SEC24A: variants seen among roughly 807,000 people sequenced by gnomAD.
The protein encoded by SEC24A is protein transport protein Sec24A.
In SEC24A, 93 loss-of-function variants were observed where a neutral mutation model predicts 129.4. The ratio of observed to expected loss-of-function variants is 0.72; its 90% CI spans 0.61 to 0.85. The LOEUF (loss-of-function observed/expected upper bound fraction) is 0.85. Among genes scored for constraint, SEC24A ranks in the 40% least tolerant of loss-of-function variants. The probability of loss-of-function intolerance (pLI) is 0.00; values close to 1 mark genes in which losing one functional copy is unlikely to be tolerated. For missense variants in SEC24A, 1,264 were observed against 1,307.4 expected (o/e 0.97, Z 0.51); for synonymous variants, 460 against 467.3 (o/e 0.98, Z 0.20).
intron 13 of SEC24A, among the ~76,000 whole-genome samples, chr5:134,696,235 A>T (rs2150099566): frequency 6.6e-6 from 1 of 152,048 alleles, no homozygotes; most frequent in East Asian, 1.9e-4. Context: ...ATGCCATTGC[A>T]CACCAGCCTG....
At chr5:134,663,553 C>T (rs991381533) in intron 2 of SEC24A, among the ~76,000 whole-genome samples, 71 of 152,288 alleles carry the variant, frequency 4.7e-4, no homozygotes, top group African/African-American at 1.6e-3. Context: ...CGTGGTGGCT[C>T]ACGCCTATAA....
At chr5:134,674,529 T>C (rs1580698181) in intron 4 of SEC24A, 86 bp from the exon 5 acceptor site, 2 of 1,299,704 alleles carry the variant, frequency 1.5e-6, no homozygotes, top group East Asian at 5.1e-5. Flanking sequence ...AGTGAGACCC[T>C]TTCTCCAAAA....
At chr5:134,651,285 T>TAA (rs1189957698) in intron 1 of SEC24A, among the ~76,000 whole-genome samples, 2 of 147,992 alleles carry the variant, frequency 1.4e-5, no homozygotes, top group Non-Finnish European at 3.0e-5. Context: ...TATATATATA[T>TAA]AATGTATATA....
At chr5:134,686,176 A>G (rs1470775660) in intron 9 of SEC24A, among the ~76,000 whole-genome samples, 2 of 152,108 alleles carry the variant, frequency 1.3e-5, no homozygotes, top group African/African-American at 4.8e-5. Context: ...TATAAACTAA[A>G]CACTTTTGTT....
intron 4 of SEC24A, among the ~76,000 whole-genome samples, chr5:134,672,181 CTTTTTG>C (rs549281427): frequency 1.3e-5 from 2 of 151,522 alleles, no homozygotes; most frequent in South Asian, 4.2e-4. Flanking sequence ...CCATGCCCAG[CTTTTTG>C]TTTTTGTTTT....
At chr5:134,694,023 C>A in intron 13 of SEC24A, 90 bp downstream of exon 13, 2 of 1,096,064 alleles carry the variant, frequency 1.8e-6, no homozygotes, top group South Asian at 1.5e-5. Flanking sequence ...ATTTATTTGT[C>A]AATTGTTGGG....
chr5:134,720,950 C>T (rs1197570851), intron 20 of SEC24A, 48 bp from the exon 21 acceptor site: 2 of 1,005,100 alleles, frequency 2.0e-6, no homozygotes, highest in South Asian at 1.3e-5. Flanking sequence ...TCAACAGACT[C>T]ACCTTTATGT....
At position 134,718,074 on chromosome 5, in the gene SEC24A, A is replaced by C. The variant is rs780267482; in HGVS notation, c.2871A>C (p.Ala957=). 1.9e-6 allele frequency: 3 copies of C among 1,613,046 alleles called. No individual in the cohort carries two copies. Among genetic ancestry groups the C allele is most frequent in the Middle Eastern group, 1.6e-4 (1 of 6,062 alleles). Residue 957 remains alanine (A), a synonymous_variant, in exon 20 of 23, where the codon GCA becomes GCC. Transcript: ENST00000398844. ...YRVDNLSDEG[A]LNISDRTIPQ... ...TCTTTTACTTAATTCCTCAGGGAGC[A>C]CTCAACATCAGTGATAGAACCATAC...
intron 18 of SEC24A, among the ~76,000 whole-genome samples, chr5:134,714,823 A>G (rs576399323): frequency 6.6e-6 from 1 of 152,352 alleles, no homozygotes; most frequent in South Asian, 2.1e-4. Flanking sequence ...TCAGTTAGTT[A>G]ATTTCAAAAG....
chr5:134,708,805 G>A lies in SEC24A; in HGVS notation c.2644G>A (p.Val882Ile), dbSNP rs552144997. 5.2e-5 allele frequency: 84 copies of A among 1,614,144 alleles called. No homozygotes were observed. The South Asian group carries it at 9.0e-4, about 17-fold the overall frequency. ...IDSLSAYRSS[V>I]LSNQQPGLMV... ...CTCCCTTTCAGCTTACCGTTCTTCA[G>A]TCTTAAGTAACCAGCAGCCTGGACT... The change falls in exon 18 of 23, where the codon GTC becomes ATC. Residue 882 changes from valine (V) to isoleucine (I), a missense_variant. Physicochemically the swap from Val to Ile is conservative, Grantham distance 29. Transcript: ENST00000398844.
At chr5:134,683,106 T>G (rs1751330955) in intron 9 of SEC24A, among the ~76,000 whole-genome samples, 3 of 151,988 alleles carry the variant, frequency 2.0e-5, no homozygotes. Context: ...CACTGCAACC[T>G]CCGCCTCCCG....
chr5:134,720,141 C>T (rs1752589534), intron 20 of SEC24A, among the ~76,000 whole-genome samples: 1 of 152,194 alleles, frequency 6.6e-6, no homozygotes, highest in Non-Finnish European at 1.5e-5. Context: ...TTTACATTCA[C>T]TCATCACTCA....
intron 19 of SEC24A, among the ~76,000 whole-genome samples, chr5:134,715,818 C>T (rs988717692): frequency 5.6e-5 from 8 of 143,780 alleles, no homozygotes; most frequent in African/African-American, 1.3e-4. Context: ...CAAACCTGCA[C>T]GTTCTGCACA....
intron 18 of SEC24A, among the ~76,000 whole-genome samples, 163 bp downstream of exon 18, chr5:134,709,051 C>CA (rs1752246014): frequency 1.3e-5 from 2 of 152,014 alleles, no homozygotes; most frequent in African/African-American, 2.4e-5. Flanking sequence ...GCAAAAAATA[C>CA]AAAAAAACTA....
chr5:134,719,106 G>T (rs1470020145), intron 20 of SEC24A, among the ~76,000 whole-genome samples: 1 of 152,148 alleles, frequency 6.6e-6, no homozygotes, highest in Non-Finnish European at 1.5e-5. Flanking sequence ...ATTTGTCCGG[G>T]CATGGTGGCT....
chr5:134,650,534 C>A (rs551533059), intron 1 of SEC24A, among the ~76,000 whole-genome samples: 1 of 151,064 alleles, frequency 6.6e-6, no homozygotes, highest in Admixed American at 6.6e-5. Context: ...ATTTGTTCCA[C>A]ATCTTTTTTT....
chr5:134,715,309 A>G, intron 19 of SEC24A, 148 bp downstream of exon 19: 1 of 686,852 alleles, frequency 1.5e-6, no homozygotes. Context: ...CTGAGTAAAT[A>G]AATTTTAGTA....
At chr5:134,672,740 T>G (rs1750910754) in intron 4 of SEC24A, among the ~76,000 whole-genome samples, 1 of 152,140 alleles carries the variant, frequency 6.6e-6, no homozygotes, top group Admixed American at 6.6e-5. Flanking sequence ...TAGAGTACTT[T>G]TAGGATTTTT....
At chr5:134,686,115 A>G (rs1751441890) in intron 9 of SEC24A, among the ~76,000 whole-genome samples, 1 of 152,204 alleles carries the variant, frequency 6.6e-6, no homozygotes, top group African/African-American at 2.4e-5. Flanking sequence ...GAAATCCAAC[A>G]AACATATTGA....
Sources: allele counts gnomAD v4.1 joint callset (sites outside exome capture counted in the v4.1 genomes callset), GRCh38; gene constraint gnomAD v4.1.1; transcripts MANE v1.5; gene names NCBI Gene and HGNC (gene_info 2026-07-23, HGNC 2026-07-21).